The following OGG1 variants were observed in gnomAD, a reference collection of about 807,000 sequenced individuals.
OGG1 encodes 8-oxoguanine DNA glycosylase.
Under a neutral mutation model 42.3 loss-of-function variants are expected in OGG1, and 35 were observed. The ratio of observed to expected loss-of-function variants is 0.83; its 90% confidence interval spans 0.63 to 1.10. The LOEUF is 1.10. Among genes scored for constraint, OGG1 ranks in the 50% least tolerant of loss-of-function variants. The pLI, the probability that OGG1 is intolerant of heterozygous loss-of-function variation, is 0.00. For synonymous variants in OGG1, 189 were observed against 179.0 expected, an observed-to-expected ratio of 1.06 and a Z score of -0.44; for missense variants, 484 against 446.7, an observed-to-expected ratio of 1.08 and a Z score of -0.75.
At chr3:9,773,272 A>C (rs978572441) in intron 2 of OGG1, among the ~76,000 whole-genome samples, 1 of 150,836 alleles carries the variant, frequency 6.6e-6, no homozygotes, top group East Asian at 1.9e-4. Flanking sequence ...GCTAACGCCT[A>C]TAATTCCAGC....
chr3:9,767,671 C>T (rs2078191076), downstream of OGG1: 2 of 1,613,988 alleles, frequency 1.2e-6, no homozygotes, highest in Non-Finnish European at 8.5e-7. Flanking sequence ...ACTCACGTGC[C>T]CAGAACATCT....
exon 8 of OGG1, chr3:9,765,967 G>A (rs890493476): frequency 1.2e-6 from 2 of 1,614,026 alleles, no homozygotes; most frequent in African/African-American, 1.3e-5. Context: ...TTCCCTATGG[G>A]TTCTGTGACC....
chr3:9,757,122 G>A lies in OGG1; in HGVS notation c.1010G>A (p.Arg337Lys). 6.2e-7 allele frequency: 1 copy of A among 1,614,160 alleles called. No individual in the cohort carries two copies. Among genetic ancestry groups the A allele is most frequent in the Non-Finnish European group, 8.5e-7 (1 of 1,180,014 alleles). ...GCTCAGGAGCCACCAGCAAAGCGCAGAAAGGGTTCCAAAGGGCCGGAAGGC... is the reference window on the plus strand; with the variant it reads ...GCTCAGGAGCCACCAGCAAAGCGCAAAAAGGGTTCCAAAGGGCCGGAAGGC... Reference protein sequence around the residue: ...RHAQEPPAKRRKGSKGPEG With the variant: ...RHAQEPPAKRKKGSKGPEG Residue 337 changes from arginine (R) to lysine (K), a missense_variant, in exon 7 of 7, where the codon AGA becomes AAA. By Grantham distance (26) the Arg-to-Lys change is conservative. Coordinates refer to ENST00000344629, the MANE Select transcript of OGG1 (RefSeq NM_002542.6). The surrounding 1 kb of genome is among the most constrained non-coding windows in gnomAD (Gnocchi z 4.5).
chr3:9,783,868 T>C (rs1287535554), intron 3 of OGG1: 5 of 1,286,162 alleles, frequency 3.9e-6, no homozygotes, highest in Middle Eastern at 5.6e-4. Flanking sequence ...GTTTGGGACA[T>C]ACCCGGTGGA....
chr3:9,766,479 T>TA, exon 8 of OGG1: 1 of 379,900 alleles, frequency 2.6e-6, no homozygotes, highest in Non-Finnish European at 4.8e-6. Context: ...GGATCCTGGG[T>TA]CAAAAAAAAG....
At chr3:9,764,028 G>T (rs923682094) in intron 7 of OGG1, among the ~76,000 whole-genome samples, 1 of 152,100 alleles carries the variant, frequency 6.6e-6, no homozygotes, top group African/African-American at 2.4e-5. Context: ...TTACATGTTT[G>T]TCAGCCTCCC....
intron 2 of OGG1, among the ~76,000 whole-genome samples, chr3:9,780,788 C>A (rs529833653): frequency 6.6e-6 from 1 of 152,162 alleles, no homozygotes; most frequent in African/African-American, 2.4e-5. Flanking sequence ...CAGGGAGATA[C>A]GGGAATTCTC....
intron 3 of OGG1, among the ~76,000 whole-genome samples, chr3:9,782,790 CAAAA>C (rs36123956): frequency 8.3e-6 from 1 of 120,048 alleles, no homozygotes; most frequent in Admixed American, 8.7e-5. Context: ...GACACCGTCT[CAAAA>C]AAAAAAAAAA....
chr3:9,750,565 C>T, intron 1 of OGG1, 142 bp downstream of exon 1: 1 of 1,126,668 alleles, frequency 8.9e-7, no homozygotes, highest in East Asian at 2.6e-5. Context: ...GGGTAGCCAA[C>T]CTGTTACCTT....
At chr3:9,753,377 G>C (rs1439538500) in intron 3 of OGG1, among the ~76,000 whole-genome samples, 1 of 150,738 alleles carries the variant, frequency 6.6e-6, no homozygotes, top group African/African-American at 2.4e-5. Context: ...ACCTGGCCGG[G>C]CGTGGTGGCT....
chr3:9,757,485 C>T (rs569042346), downstream of OGG1: 93 of 1,602,382 alleles, frequency 5.8e-5, no homozygotes, highest in Non-Finnish European at 7.4e-5. The surrounding 1 kb of genome is among the most constrained non-coding windows in gnomAD (Gnocchi z 4.5). Context: ...GGAAGGGGAG[C>T]AGGCTGCCCC....
At chr3:9,760,759 A>T (rs752050008), downstream of OGG1, 1 of 1,614,028 alleles carries the variant, frequency 6.2e-7, no homozygotes. Context: ...AGGGAGGGTA[A>T]CCGCAGAGCC....
At chr3:9,775,873 C>G (rs1448883105) in intron 2 of OGG1, among the ~76,000 whole-genome samples, 1 of 152,198 alleles carries the variant, frequency 6.6e-6, no homozygotes, top group Non-Finnish European at 1.5e-5. Context: ...CTCCTGACCT[C>G]AGATGATCCG....
Position 9,756,567 on chromosome 3 carries a change from C to A in OGG1, c.844C>A (p.His282Asn). Residue 282 changes from histidine to asparagine, a missense_variant, in exon 5 of 7, where the codon CAC (histidine) becomes AAC (asparagine). Transcript: ENST00000344629. ...WHIAQRDYSW[H>N]PTTSQAKGPS... Reference sequence around the variant, plus strand: ...CATTGCCCAACGTGACTACAGCTGGCACCCTACCACGTCCCAGGCGAAGGG... The same window carrying A: ...CATTGCCCAACGTGACTACAGCTGGAACCCTACCACGTCCCAGGCGAAGGG... The A allele has an allele frequency of 6.2e-7, 1 of 1,614,196 alleles. No homozygotes were observed. The highest frequency in any genetic ancestry group is 8.5e-7 in the Non-Finnish European group (1 of 1,180,038).
rs2077454152 is a variant in OGG1 at position 9,754,682 on chromosome 3, CCCT to C, written c.566-14_566-12del. On this transcript the variant is annotated intron_variant, in intron 3 of 6. Coordinates refer to ENST00000344629, the MANE Select transcript of OGG1 (RefSeq NM_002542.6). ...AGAACTTGAAGATGCCTGATGCTTG[CCCT>C]CCTCCTCACTCCCCGCAGGGCCAGA... 6.2e-7 allele frequency: 1 copy of C among 1,612,564 alleles called. No individual in the cohort carries two copies. The highest frequency in any genetic ancestry group is 8.5e-7 in the Non-Finnish European group (1 of 1,179,340).
downstream of OGG1, chr3:9,757,450 G>A: frequency 6.2e-7 from 1 of 1,604,334 alleles, no homozygotes; most frequent in Non-Finnish European, 8.5e-7. This position sits in a 1 kb window ranked among gnomAD's most constrained non-coding sequence, Gnocchi z 4.5. Context: ...AGGGGACAGG[G>A]CAGAGAAACT....
At chr3:9,788,988 G>A (rs185229104), downstream of OGG1, among the ~76,000 whole-genome samples, 528 of 151,926 alleles carry the variant, frequency 3.5e-3, no homozygotes, top group Non-Finnish European at 3.9e-3. Flanking sequence ...GGCGCACACC[G>A]CCATGCCTGG....
chr3:9,750,973 AG>A lies in OGG1; in HGVS notation c.167del (p.Ser56MetfsTer4). The part of the protein sequence containing the change: ...RWREQSPAHW[S>X]GVLADQVWTL... The stretch of plus-strand genomic sequence containing the variant: ...GAGGGAGCAAAGTCCTGCACACTGG[AG>A]TGGTGTACTAGCGGATCAAGTATGG... On this transcript the variant is annotated frameshift_variant, in exon 2 of 7. Coordinates refer to ENST00000344629, the MANE Select transcript of OGG1 (RefSeq NM_002542.6). LOFTEE classifies it high-confidence loss of function. 1 of 1,614,060 alleles carries A rather than the reference AG, an allele frequency of 6.2e-7. No homozygotes were observed.
At chr3:9,750,509 G>A (rs764093070) in intron 1 of OGG1, 86 bp downstream of exon 1, 186 of 1,577,126 alleles carry the variant, frequency 1.2e-4, no homozygotes, top group Middle Eastern at 1.0e-3. Flanking sequence ...AAAGGAATTT[G>A]GGGGATGATG....
Sources: gnomAD v4.1 joint callset for allele counts (sites outside exome capture counted in the v4.1 genomes callset) on GRCh38, gnomAD v4.1.1 for gene constraint, Gnocchi (gnomAD v3.1) non-coding constraint, MANE v1.5 for transcripts, NCBI Gene and HGNC (gene_info 2026-07-23, HGNC 2026-07-21) for gene names.